The following GARIN2 variants were observed in gnomAD, a reference collection of about 807,000 sequenced individuals.
GARIN2 encodes golgi associated RAB2 interactor family member 2, also known as Golgi-associated RAB2 interactor protein 2.
chr14:67,226,901 G>C, the GARIN2 span, among the ~76,000 whole-genome samples: 4 of 152,116 alleles, frequency 2.6e-5, no homozygotes, highest in African/African-American at 9.7e-5. Context: ...GGCATACAGG[G>C]TGACACGTGC....
the GARIN2 span, among the ~76,000 whole-genome samples, chr14:67,192,059 T>C: frequency 4.7e-4 from 72 of 152,188 alleles, no homozygotes; most frequent in African/African-American, 1.7e-3. Flanking sequence ...AACGAGCTCA[T>C]CCATCTCAAA....
chr14:67,201,885 A>G, the GARIN2 span: 1 of 179,490 alleles, frequency 5.6e-6, no homozygotes, highest in Non-Finnish European at 1.2e-5. Flanking sequence ...CCCATCCTCC[A>G]GTCTCTTCTT....
chr14:67,203,083 T>A, the GARIN2 span: 7 of 1,609,630 alleles, frequency 4.3e-6, no homozygotes, highest in Admixed American at 1.2e-4. Context: ...TTTCCTGTTT[T>A]CTGCACTCAG....
the GARIN2 span, among the ~76,000 whole-genome samples, chr14:67,207,915 G>C: frequency 1.3e-5 from 2 of 152,212 alleles, no homozygotes; most frequent in African/African-American, 4.8e-5. Flanking sequence ...TCACAGAGAA[G>C]TACTGTAATT....
chr14:67,217,742 T>C, the GARIN2 span, among the ~76,000 whole-genome samples: 1 of 152,218 alleles, frequency 6.6e-6, no homozygotes, highest in African/African-American at 2.4e-5. Flanking sequence ...AAGAGTTTAA[T>C]CTTAAGAGTT....
the GARIN2 span, chr14:67,221,606 A>C: frequency 2.1e-6 from 1 of 473,598 alleles, no homozygotes. Flanking sequence ...AAATTTAGGT[A>C]ATTTTATTCT....
chr14:67,201,289 G>C, the GARIN2 span: 3 of 349,090 alleles, frequency 8.6e-6, no homozygotes, highest in South Asian at 2.3e-5. Context: ...ACAAGACTTT[G>C]TCTCTAAAAA....
chr14:67,210,279 G>A, the GARIN2 span, among the ~76,000 whole-genome samples: 1 of 152,078 alleles, frequency 6.6e-6, no homozygotes, highest in East Asian at 1.9e-4. Context: ...AAAAGCCATG[G>A]GCAGAATTTC....
the GARIN2 span, chr14:67,196,939 T>A: frequency 6.6e-6 from 1 of 152,194 alleles, no homozygotes; most frequent in Non-Finnish European, 1.5e-5. Flanking sequence ...TGCTTTTTTT[T>A]TCTTTTTGAG....
the GARIN2 span, chr14:67,199,730 G>C: frequency 6.3e-7 from 1 of 1,576,692 alleles, no homozygotes; most frequent in East Asian, 2.2e-5. Flanking sequence ...CCCCAATCCT[G>C]TGGTATCATC....
chr14:67,203,697 G>A, the GARIN2 span, among the ~76,000 whole-genome samples: 5 of 152,126 alleles, frequency 3.3e-5, no homozygotes, highest in Non-Finnish European at 7.4e-5. Flanking sequence ...CTTTCTCATG[G>A]TAAATAATTG....
At chr14:67,193,078 ATATC>A in the GARIN2 span, among the ~76,000 whole-genome samples, 6 of 144,628 alleles carry the variant, frequency 4.1e-5, no homozygotes, top group African/African-American at 7.4e-5. Flanking sequence ...ATATATCCAT[ATATC>A]TATCTATATC....
At chr14:67,195,282 C>T in the GARIN2 span, among the ~76,000 whole-genome samples, 1 of 152,136 alleles carries the variant, frequency 6.6e-6, no homozygotes, top group Non-Finnish European at 1.5e-5. Flanking sequence ...TGCAAATATC[C>T]TTGAATTCCT....
the GARIN2 span, among the ~76,000 whole-genome samples, chr14:67,206,420 C>T: frequency 1.3e-5 from 2 of 151,970 alleles, no homozygotes; most frequent in African/African-American, 2.4e-5. Flanking sequence ...TGTTTGAAAC[C>T]GGGAGGTGGA....
At chr14:67,213,292 C>A in the GARIN2 span, among the ~76,000 whole-genome samples, 1 of 147,724 alleles carries the variant, frequency 6.8e-6, no homozygotes, top group African/African-American at 2.5e-5. Flanking sequence ...TTAGGTATAT[C>A]TCCTAAGGCT....
chr14:67,201,108 A>G, the GARIN2 span, among the ~76,000 whole-genome samples: 1 of 152,180 alleles, frequency 6.6e-6, no homozygotes, highest in Non-Finnish European at 1.5e-5. Flanking sequence ...GACCTGGGCA[A>G]CAAGTGAGAT....
At chr14:67,195,813 A>G in the GARIN2 span, among the ~76,000 whole-genome samples, 1 of 149,938 alleles carries the variant, frequency 6.7e-6, no homozygotes, top group Non-Finnish European at 1.5e-5. Context: ...GCACGATCTC[A>G]GCTCACTGCC....
At chr14:67,200,079 A>T in the GARIN2 span, 7 of 975,034 alleles carry the variant, frequency 7.2e-6, no homozygotes, top group South Asian at 1.1e-4. Context: ...CACCACCTGG[A>T]ATGCCTTATC....
the GARIN2 span, among the ~76,000 whole-genome samples, chr14:67,213,984 T>G: frequency 4.6e-5 from 7 of 152,268 alleles, no homozygotes; most frequent in African/African-American, 1.4e-4. Flanking sequence ...TATCTGTTCA[T>G]GTCCTTCGCC....
Sources: gnomAD v4.1 joint callset for allele counts (sites outside exome capture counted in the v4.1 genomes callset) on GRCh38, gnomAD v4.1.1 for gene constraint, MANE v1.5 for transcripts, NCBI Gene and HGNC (gene_info 2026-07-23, HGNC 2026-07-21) for gene names.